Variants in CBLB observed in about 807,000 individuals in gnomAD.
CBLB encodes E3 ubiquitin-protein ligase CBL-B.
A neutral mutation model predicts 104.9 loss-of-function variants in CBLB; 31 were observed. The ratio of observed to expected loss-of-function variants is 0.30; its 90% CI spans 0.22 to 0.40. The LOEUF (loss-of-function observed/expected upper bound fraction) is 0.40, where lower values mean the gene tolerates loss of function less well. CBLB is among the 10% of genes least tolerant of loss of function. CBLB has a pLI of 1.00. For missense variants in CBLB, 1,062 were observed against 1,214.6 expected (o/e 0.87, Z 1.87); for synonymous variants, 440 against 422.6 (o/e 1.04, Z -0.51).
At chr3:105,854,644 T>C (rs1371020239) in intron 2 of CBLB, among the ~76,000 whole-genome samples, 1 of 151,980 alleles carries the variant, frequency 6.6e-6, no homozygotes. Context: ...TATTTTATTG[T>C]TTTTTTAAGA....
At chr3:105,848,414 C>T (rs961546655) in intron 3 of CBLB, among the ~76,000 whole-genome samples, 23 of 152,038 alleles carry the variant, frequency 1.5e-4, no homozygotes, top group African/African-American at 5.1e-4. Flanking sequence ...ACCTAAGTAA[C>T]TAGGAAATGT....
At chr3:105,666,602 C>T (rs1275073888) in intron 18 of CBLB, among the ~76,000 whole-genome samples, 16 of 152,086 alleles carry the variant, frequency 1.1e-4, no homozygotes, top group Admixed American at 1.0e-3. Context: ...ATGAGAACTA[C>T]TTGAACCTGG....
chr3:105,726,549 T>C (rs1321504739), intron 9 of CBLB, among the ~76,000 whole-genome samples: 1 of 152,038 alleles, frequency 6.6e-6, no homozygotes, highest in Non-Finnish European at 1.5e-5. Flanking sequence ...ATTTTCCTTT[T>C]TTTTTTTTTT....
chr3:105,803,284 G>A (rs1222098019), intron 3 of CBLB, among the ~76,000 whole-genome samples: 1 of 152,166 alleles, frequency 6.6e-6, no homozygotes, highest in South Asian at 2.1e-4. Flanking sequence ...TATTTTAGAA[G>A]AGAGGCTGTG....
intron 3 of CBLB, among the ~76,000 whole-genome samples, chr3:105,810,235 T>G (rs1307746072): frequency 6.6e-6 from 1 of 152,156 alleles, no homozygotes; most frequent in Non-Finnish European, 1.5e-5. Flanking sequence ...TTTGCTCTTA[T>G]TTTATTCAAT....
chr3:105,742,123 T>C (rs1490909348), intron 6 of CBLB, among the ~76,000 whole-genome samples: 3 of 152,244 alleles, frequency 2.0e-5, no homozygotes, highest in East Asian at 3.8e-4. Flanking sequence ...GCATTCAATC[T>C]TTCTATCAGG....
chr3:105,706,489 G>A (rs979292099), intron 10 of CBLB, among the ~76,000 whole-genome samples: 1 of 152,094 alleles, frequency 6.6e-6, no homozygotes, highest in African/African-American at 2.4e-5. Flanking sequence ...GAAAGTCACA[G>A]GGCCTCACAT....
chr3:105,833,880 C>G lies in CBLB; in HGVS notation c.419+19534G>C, dbSNP rs185546637. On this transcript the variant is annotated intron_variant, in intron 3 of 18. Transcript: ENST00000394030. ...ACCAGTATCCTAAGGGAATTAGAAC[C>G]TGATAATTAAGTAAAACCTTTCGTT... is the stretch of plus-strand genomic sequence containing the variant. 1.6e-3 allele frequency among the ~76,000 whole-genome samples: 245 copies of G among 151,736 alleles called. 1 individual carries two copies. The highest frequency in any genetic ancestry group is 4.5e-3 in the African/African-American group (185 of 41,334).
chr3:105,702,382 C>T lies in CBLB; in HGVS notation c.1671G>A (p.Pro557=), dbSNP rs752631685. 8.0e-6 allele frequency: 12 copies of T among 1,494,748 alleles called. No homozygotes were observed. The East Asian group carries it at 1.4e-4, about 17-fold the overall frequency. 92.6% of individuals were successfully genotyped at this position (1,494,748 alleles called of 1,614,324 possible). A position where few individuals can be genotyped will look rare whatever the true frequency, so the allele number is the denominator to read the frequency against. The change falls in exon 12 of 19, where the codon CCG becomes CCA. Residue 557 remains proline, a synonymous_variant. Transcript: ENST00000394030. ...GGATTGGTGGAGGTCTTTCAGGTGG[C>T]GGTGGAGGAGGATCTCTTAAGGGAG... ...PPPPLRDPPP[P]PPERPPPIPP...
intron 18 of CBLB, among the ~76,000 whole-genome samples, chr3:105,664,459 G>A (rs900726127): frequency 1.3e-5 from 2 of 152,184 alleles, no homozygotes; most frequent in Admixed American, 6.5e-5. Context: ...GATCGTAAGT[G>A]AAAATGTGCA....
intron 13 of CBLB, among the ~76,000 whole-genome samples, chr3:105,688,238 T>A (rs1052879060): frequency 6.6e-6 from 1 of 151,972 alleles, no homozygotes; most frequent in African/African-American, 2.4e-5. Context: ...CCCTTTATAT[T>A]CTCATCTTAC....
chr3:105,820,003 T>C (rs906863441), intron 3 of CBLB, among the ~76,000 whole-genome samples: 2 of 152,120 alleles, frequency 1.3e-5, no homozygotes, highest in African/African-American at 4.8e-5. Context: ...TATTACATTG[T>C]AATATATAAT....
intron 5 of CBLB, among the ~76,000 whole-genome samples, chr3:105,748,899 C>G (rs1289413255): frequency 1.3e-5 from 2 of 152,138 alleles, no homozygotes; most frequent in Non-Finnish European, 2.9e-5. Context: ...ACCTTCAGTT[C>G]CCTTTCTGCT....
Position 105,741,343 on chromosome 3 carries a change from G to A in CBLB, c.846-712C>T, listed in dbSNP as rs190345197. On this transcript the variant is annotated intron_variant, in intron 6 of 18. Coordinates refer to ENST00000394030, the MANE Select transcript of CBLB (RefSeq NM_170662.5). ...AGCTGGGACTACAGGCGTGTGCCAC[G>A]ACGCCCAGCTAATTTTTTGTATTTT... is the stretch of plus-strand genomic sequence containing the variant. Among the ~76,000 whole-genome samples, 316 of 147,562 alleles carry A rather than the reference G, an allele frequency of 2.1e-3. 1 individual carries two copies. Among genetic ancestry groups the A allele is most frequent in the African/African-American group, 4.0e-3 (159 of 39,822 alleles).
chr3:105,868,031 C>A (rs113488789), intron 1 of CBLB: 244 of 484,892 alleles, frequency 5.0e-4, no homozygotes, highest in Non-Finnish European at 7.4e-4. Flanking sequence ...GCAGAAACTT[C>A]ACTTTCACTC....
At chr3:105,670,740 G>C in intron 17 of CBLB, 1 of 218,240 alleles carries the variant, frequency 4.6e-6, no homozygotes, top group Non-Finnish European at 9.2e-6. Context: ...TAAAACCATG[G>C]GTTTGGATCC....
intron 17 of CBLB, among the ~76,000 whole-genome samples, chr3:105,675,621 C>T (rs56335326): frequency 0.051 from 7,698 of 152,082 alleles, 285 homozygotes; most frequent in Admixed American, 0.093. Context: ...CAGTGGTTCA[C>T]GCCTGCAATT....
chr3:105,789,681 G>A (rs1463138455), intron 3 of CBLB, among the ~76,000 whole-genome samples: 1 of 152,122 alleles, frequency 6.6e-6, no homozygotes, highest in Non-Finnish European at 1.5e-5. Context: ...GACATAGAAT[G>A]TTTATAGACC....
At chr3:105,724,250 C>G (rs537453892) in intron 9 of CBLB, 21 of 160,820 alleles carry the variant, frequency 1.3e-4, no homozygotes, top group East Asian at 1.4e-4. Context: ...ACAAAATGCC[C>G]CAGAGCAGGA....
Sources: gnomAD v4.1 joint callset for allele counts (sites outside exome capture counted in the v4.1 genomes callset) on GRCh38, gnomAD v4.1.1 for gene constraint, MANE v1.5 for transcripts, NCBI Gene and HGNC (gene_info 2026-07-23, HGNC 2026-07-21) for gene names.